The following KATNIP variants were observed in gnomAD, a reference collection of about 807,000 sequenced individuals.
KATNIP encodes the protein katanin interacting protein.
KATNIP carries 126 observed loss-of-function variants against 174.0 expected under a neutral mutation model. The observed-to-expected ratio is 0.72, with a 90% confidence interval of 0.63 to 0.84. The LOEUF is 0.84. Ranked by LOEUF, KATNIP falls within the 40% of genes least tolerant of loss-of-function variation. The pLI is 0.00. For missense variants in KATNIP, 1,958 were observed against 2,109.7 expected, an observed-to-expected ratio of 0.93 and a Z score of 1.41; for synonymous variants, 810 against 835.7, an observed-to-expected ratio of 0.97 and a Z score of 0.53.
chr16:27,661,537 G>A (rs1365299797), intron 6 of KATNIP, among the ~76,000 whole-genome samples: 1 of 151,270 alleles, frequency 6.6e-6, no homozygotes, highest in Non-Finnish European at 1.5e-5. Flanking sequence ...GACTACAGGC[G>A]TACACCACCA....
intron 14 of KATNIP, among the ~76,000 whole-genome samples, chr16:27,737,974 G>A (rs1300526458): frequency 6.6e-6 from 1 of 152,134 alleles, no homozygotes; most frequent in East Asian, 1.9e-4. Flanking sequence ...GAAGCCCAAC[G>A]GGAGGAGGAA....
chr16:27,754,246 G>T lies in KATNIP; in HGVS notation c.3626G>T (p.Gly1209Val). 4 of 1,613,644 alleles carry T rather than the reference G, an allele frequency of 2.5e-6. No homozygotes were observed. Among genetic ancestry groups the T allele is most frequent in the Non-Finnish European group, 3.4e-6 (4 of 1,179,506 alleles). ...VTTPEPGIYH[G>V]ICLQLNFTAS... Reference sequence around the variant, plus strand: ...ACGCCAGAGCCAGGCATCTACCACGGAATCTGTGAGTAGCTCTCCTGGAGC... The same window carrying T: ...ACGCCAGAGCCAGGCATCTACCACGTAATCTGTGAGTAGCTCTCCTGGAGC... The change falls in exon 18 of 28, where the codon GGA becomes GTA. Residue 1209 changes from glycine to valine, a missense_variant. Transcript: ENST00000261588.
rs766105570 is a variant in KATNIP at position 27,750,042 on chromosome 16, C to G, written c.3082C>G (p.Pro1028Ala). 3.1e-6 allele frequency: 5 copies of G among 1,614,158 alleles called. No individual in the cohort carries two copies. The South Asian group carries it at 5.5e-5, about 18-fold the overall frequency. ...INILPAYGKD[P>A]RVVTNLIDGV... Reference sequence around the variant, plus strand: ...TATTTTACCAGCCTATGGGAAAGACCCCCGCGTGGTCACCAACCTCATCGA... The same window carrying G: ...TATTTTACCAGCCTATGGGAAAGACGCCCGCGTGGTCACCAACCTCATCGA... Residue 1028 changes from proline to alanine, a missense_variant, in exon 16 of 28, where the codon CCC (proline) becomes GCC (alanine). Pro to Ala is a conservative substitution (Grantham distance 27, BLOSUM62 -1). Transcript: ENST00000261588.
intron 1 of KATNIP, among the ~76,000 whole-genome samples, chr16:27,564,335 T>C (rs1307248807): frequency 6.6e-6 from 1 of 152,084 alleles, no homozygotes; most frequent in East Asian, 1.9e-4. Context: ...AAATGGGTAA[T>C]GAGTAGCTAA....
intron 12 of KATNIP, 30 bp downstream of exon 12, chr16:27,704,028 A>T: frequency 6.4e-7 from 1 of 1,564,134 alleles, no homozygotes; most frequent in Non-Finnish European, 8.8e-7. Flanking sequence ...TTTCAGTTGT[A>T]CATTCAGGAA....
rs539611878 is a variant in KATNIP at position 27,701,079 on chromosome 16, T to C, written c.1180-510T>C. Among the ~76,000 whole-genome samples the C allele has an allele frequency of 2.0e-5, 3 of 152,336 alleles. No individual in the cohort carries two copies. The East Asian group carries it at 5.8e-4, about 29-fold the overall frequency. On this transcript the variant is annotated intron_variant, in intron 10 of 27. Transcript: ENST00000261588. ...TTAAAAATGAAAGGGCCTAATGCTG[T>C]TACTGGAATTCTTCATAGAGTCTGC...
At chr16:27,713,763 A>G (rs1457756065) in intron 13 of KATNIP, among the ~76,000 whole-genome samples, 2 of 25,898 alleles carry the variant, frequency 7.7e-5, no homozygotes, top group African/African-American at 2.8e-4. Flanking sequence ...ATGTGTGTGT[A>G]TATGTATATA....
intron 6 of KATNIP, among the ~76,000 whole-genome samples, chr16:27,649,406 G>A (rs2077056300): frequency 1.3e-5 from 2 of 152,172 alleles, no homozygotes; most frequent in Admixed American, 6.5e-5. Flanking sequence ...CATTTGTTAA[G>A]CACCTCTCAC....
chr16:27,647,480 A>AAC (rs1342171482), intron 5 of KATNIP, among the ~76,000 whole-genome samples: 1 of 149,870 alleles, frequency 6.7e-6, no homozygotes, highest in Non-Finnish European at 1.5e-5. Flanking sequence ...TAGCTGGGAC[A>AAC]ACAGGCACAC....
At chr16:27,655,217 TA>T (rs1567260119) in intron 6 of KATNIP, among the ~76,000 whole-genome samples, 38 of 127,176 alleles carry the variant, frequency 3.0e-4, no homozygotes, top group Non-Finnish European at 1.1e-4. Context: ...TATATATATA[TA>T]TATATATATA....
chr16:27,659,896 C>A, intron 6 of KATNIP: 2 of 408,918 alleles, frequency 4.9e-6, no homozygotes, highest in Non-Finnish European at 6.6e-6. Context: ...TGCTGTTTGA[C>A]TTGGACTTAG....
chr16:27,713,790 G>A lies in KATNIP; in HGVS notation c.1605+4870G>A, dbSNP rs58672256. On this transcript the variant is annotated intron_variant, in intron 13 of 27. Coordinates refer to ENST00000261588, the MANE Select transcript of KATNIP (RefSeq NM_015202.5). ...ATGTATATATACACATATTATATAT[G>A]TGTGTGTGTGTGTATATACATATAT... 6.8e-3 allele frequency among the ~76,000 whole-genome samples: 275 copies of A among 40,446 alleles called. 8 individuals are homozygous for A. Among genetic ancestry groups the A allele is most frequent in the African/African-American group, 0.011 (97 of 9,064 alleles). The allele number at this position is 40,446 out of a possible 152,430, so 26.5% of individuals were successfully genotyped here. A position where few individuals can be genotyped will look rare whatever the true frequency, so the allele number is the denominator to read the frequency against.
At chr16:27,684,588 TA>T (rs2078458093) in intron 8 of KATNIP, among the ~76,000 whole-genome samples, 1 of 152,234 alleles carries the variant, frequency 6.6e-6, no homozygotes, top group African/African-American at 2.4e-5. Context: ...CATAACGAAG[TA>T]CCACAATCAG....
intron 2 of KATNIP, among the ~76,000 whole-genome samples, chr16:27,598,252 A>AAG (rs979085812): frequency 1.3e-5 from 2 of 151,562 alleles, no homozygotes; most frequent in African/African-American, 4.9e-5. Context: ...TCAAAAAAAA[A>AAG]AAAAGAATGT....
chr16:27,570,477 G>C (rs965669311), intron 1 of KATNIP, among the ~76,000 whole-genome samples: 1 of 152,206 alleles, frequency 6.6e-6, no homozygotes, highest in Non-Finnish European at 1.5e-5. Context: ...TGAGGCAGGA[G>C]AATTGCTTGA....
intron 14 of KATNIP, among the ~76,000 whole-genome samples, chr16:27,737,750 G>A (rs1051503495): frequency 3.9e-5 from 6 of 152,232 alleles, no homozygotes; most frequent in African/African-American, 1.2e-4. Context: ...CTGCCGAGCC[G>A]CCACACCCAC....
chr16:27,711,216 T>C (rs1331726706), intron 13 of KATNIP, among the ~76,000 whole-genome samples: 1 of 152,094 alleles, frequency 6.6e-6, no homozygotes, highest in Non-Finnish European at 1.5e-5. Context: ...GTGTGGTCTT[T>C]TGGGGGTGGG....
rs1298207819 is a variant in KATNIP at position 27,778,679 on chromosome 16, C to T, written c.*50C>T. ...CTCCCACTATGGTGGGCTCCGTCAG[C>T]AGCCCCACTCAGTGCCTGCGTCCCT... is the stretch of plus-strand genomic sequence containing the variant. On this transcript the variant is annotated 3_prime_UTR_variant, in exon 28 of 28. Coordinates refer to ENST00000261588, the MANE Select transcript of KATNIP (RefSeq NM_015202.5). 3 of 1,552,772 alleles carry T rather than the reference C, an allele frequency of 1.9e-6. No individual in the cohort carries two copies. Among genetic ancestry groups the T allele is most frequent in the Non-Finnish European group, 1.8e-6 (2 of 1,130,550 alleles).
intron 2 of KATNIP, among the ~76,000 whole-genome samples, chr16:27,583,019 C>G (rs1020778241): frequency 6.6e-6 from 1 of 152,094 alleles, no homozygotes; most frequent in Admixed American, 6.6e-5. Flanking sequence ...CCAGCCTGTC[C>G]CAGGACCTCT....
Sources: allele counts gnomAD v4.1 joint callset (sites outside exome capture counted in the v4.1 genomes callset), GRCh38; gene constraint gnomAD v4.1.1; transcripts MANE v1.5; gene names NCBI Gene and HGNC (gene_info 2026-07-23, HGNC 2026-07-21).